Variants in GRXCR1 observed in about 807,000 individuals in gnomAD.
The protein encoded by GRXCR1 is glutaredoxin domain-containing cysteine-rich protein 1.
In GRXCR1, 27 loss-of-function variants were observed where a neutral mutation model predicts 27.3. The ratio of observed to expected loss-of-function variants is 0.99; its 90% CI spans 0.73 to 1.37. The LOEUF is 1.37. Ranked by LOEUF, GRXCR1 falls within the 40% of genes most tolerant of loss-of-function variation. The pLI, the probability that GRXCR1 is intolerant of heterozygous loss-of-function variation, is 0.00. For synonymous variants in GRXCR1, 122 were observed against 131.1 expected, an observed-to-expected ratio of 0.93 and a Z score of 0.47; for missense variants, 379 against 354.4, an observed-to-expected ratio of 1.07 and a Z score of -0.56.
chr4:42,955,556 C>T (rs1271248852), intron 1 of GRXCR1, among the ~76,000 whole-genome samples: 2 of 152,062 alleles, frequency 1.3e-5, no homozygotes, highest in African/African-American at 4.8e-5. Flanking sequence ...TCAACTCTGT[C>T]TCCTTGTCAA....
At chr4:42,920,914 A>G (rs1217941240) in intron 1 of GRXCR1, among the ~76,000 whole-genome samples, 1 of 137,018 alleles carries the variant, frequency 7.3e-6, no homozygotes, top group East Asian at 2.1e-4. Context: ...CTATGCGGCT[A>G]TCATTCAAGT....
intron 1 of GRXCR1, among the ~76,000 whole-genome samples, chr4:42,928,354 C>G (rs1047896828): frequency 1.3e-5 from 2 of 151,952 alleles, no homozygotes; most frequent in African/African-American, 4.8e-5. Flanking sequence ...GAGGAAATAT[C>G]AGGCCTGAGG....
At chr4:42,911,662 C>T (rs775286459) in intron 1 of GRXCR1, among the ~76,000 whole-genome samples, 10 of 151,900 alleles carry the variant, frequency 6.6e-5, no homozygotes, top group Non-Finnish European at 1.2e-4. Context: ...AAGAAAAATC[C>T]CTAGGCTCAA....
intron 1 of GRXCR1, among the ~76,000 whole-genome samples, chr4:42,923,748 C>T (rs1240779439): frequency 1.3e-5 from 2 of 152,010 alleles, no homozygotes; most frequent in African/African-American, 4.8e-5. Context: ...CTTCAACATG[C>T]CTCTTTTTTT....
At chr4:42,915,260 A>G (rs1273823860) in intron 1 of GRXCR1, among the ~76,000 whole-genome samples, 3 of 152,146 alleles carry the variant, frequency 2.0e-5, no homozygotes, top group East Asian at 3.9e-4. Flanking sequence ...ATAGCAAAGA[A>G]TGGGATGGGA....
chr4:43,020,972 A>G (rs1046475290), intron 3 of GRXCR1, among the ~76,000 whole-genome samples: 1 of 152,142 alleles, frequency 6.6e-6, no homozygotes, highest in Non-Finnish European at 1.5e-5. Flanking sequence ...GTTTCTCCCT[A>G]TTTGTAAGAA....
intron 3 of GRXCR1, among the ~76,000 whole-genome samples, chr4:43,023,354 C>A (rs1350645117): frequency 6.6e-6 from 1 of 152,182 alleles, no homozygotes; most frequent in Non-Finnish European, 1.5e-5. Context: ...AAGAGAGAGG[C>A]TTAGCAGCTG....
intron 1 of GRXCR1, among the ~76,000 whole-genome samples, chr4:42,896,083 G>A (rs535360446): frequency 6.6e-6 from 1 of 152,182 alleles, no homozygotes; most frequent in South Asian, 2.1e-4. Context: ...AAACCTTAAA[G>A]CACTTAACCT....
chr4:42,897,517 A>AT (rs1193414256), intron 1 of GRXCR1, among the ~76,000 whole-genome samples: 1 of 152,146 alleles, frequency 6.6e-6, no homozygotes, highest in Non-Finnish European at 1.5e-5. Flanking sequence ...CCGTCTATGT[A>AT]TGTACATGGA....
At chr4:43,019,251 T>A (rs1169860820) in intron 2 of GRXCR1, among the ~76,000 whole-genome samples, 2 of 152,206 alleles carry the variant, frequency 1.3e-5, no homozygotes, top group Non-Finnish European at 2.9e-5. Flanking sequence ...TTATTTTTCA[T>A]TCTACCCTGT....
rs186041671 is a variant in GRXCR1 at position 42,893,555 on chromosome 4, G to A, written c.289G>A (p.Val97Ile). The A allele has an allele frequency of 1.1e-5, 18 of 1,613,822 alleles. No individual in the cohort carries two copies. In the East Asian group the frequency reaches 4.0e-4, roughly 36 times the overall value. The change falls in exon 1 of 4, where the codon GTC (valine) becomes ATC (isoleucine). Residue 97 changes from valine to isoleucine, a missense_variant. Physicochemically the swap from Val to Ile is conservative, Grantham distance 29. Transcript: ENST00000399770. ...TGAGAAGGGTTTTGGTACAAGAAGA[G>A]TCAACATTTTAAGCAAAAATGGCAC... ...ASEKGFGTRR[V>I]NILSKNGTVR...
chr4:42,922,564 G>A (rs1462675734), intron 1 of GRXCR1, among the ~76,000 whole-genome samples: 3 of 152,064 alleles, frequency 2.0e-5, no homozygotes, highest in Non-Finnish European at 4.4e-5. Flanking sequence ...GAGGATGAAG[G>A]TTTCAGATAT....
intron 1 of GRXCR1, among the ~76,000 whole-genome samples, chr4:42,956,544 C>A (rs147272420): frequency 6.6e-6 from 1 of 152,110 alleles, no homozygotes; most frequent in East Asian, 1.9e-4. Context: ...CACTCTACCT[C>A]TAGAAAGACC....
rs116570245 is a variant in GRXCR1, at chr4:42,966,234, G to T, written c.627+3100G>T. ...AACATAAATTATCTTAGAAATGCCAGTGGGAAATAAATTAGAAATAGTGGC... is the reference window on the plus strand; with the variant it reads ...AACATAAATTATCTTAGAAATGCCATTGGGAAATAAATTAGAAATAGTGGC... On this transcript the variant is annotated intron_variant, in intron 2 of 3. Coordinates refer to ENST00000399770, the MANE Select transcript of GRXCR1 (RefSeq NM_001080476.3). 7.2e-3 allele frequency among the ~76,000 whole-genome samples: 1,098 copies of T among 152,066 alleles called. 15 individuals carry two copies. Among genetic ancestry groups the T allele is most frequent in the African/African-American group, 0.025 (1,055 of 41,504 alleles).
chr4:42,947,155 G>T (rs1258613170), intron 1 of GRXCR1, among the ~76,000 whole-genome samples: 1 of 152,078 alleles, frequency 6.6e-6, no homozygotes, highest in Non-Finnish European at 1.5e-5. Context: ...ACATTTGGGG[G>T]CTTCAACAGC....
At chr4:42,948,234 CTTT>C (rs5857877) in intron 1 of GRXCR1, among the ~76,000 whole-genome samples, 347 of 147,348 alleles carry the variant, frequency 2.4e-3, no homozygotes, top group Non-Finnish European at 3.6e-3. Flanking sequence ...ATTTCTAGGG[CTTT>C]TTTTTTTTTT....
rs1748158828 is a variant in GRXCR1, at chr4:42,962,967, G to C, written c.460G>C (p.Glu154Gln). ...CCTTCGTGTGGTCCGGACAACCTTT[G>C]AAAGATGTGAACTGGTTAGAAAGAT... Reference protein sequence around the residue: ...TCLRVVRTTFERCELVRKIFQ... With the variant: ...TCLRVVRTTFQRCELVRKIFQ... The change falls in exon 2 of 4, where the codon GAA becomes CAA. Residue 154 changes from glutamate (E) to glutamine (Q), a missense_variant. Physicochemically the swap from Glu to Gln is conservative, Grantham distance 29. Transcript: ENST00000399770. 1 of 1,612,752 alleles carries C rather than the reference G, an allele frequency of 6.2e-7. No homozygotes were observed. Among genetic ancestry groups the C allele is most frequent in the African/African-American group, 1.3e-5 (1 of 74,834 alleles).
At position 43,006,302 on chromosome 4, in the gene GRXCR1, A is replaced by T. The variant is rs1712556738; in HGVS notation, c.628-14052A>T. ...ACAGGATAAGAGCAATTGTTCAGGG[A>T]ATAAGAGAGGTAACCTTAAACTCTG... On this transcript the variant is annotated intron_variant, in intron 2 of 3. Transcript: ENST00000399770. Among the ~76,000 whole-genome samples the T allele has an allele frequency of 2.6e-5, 4 of 152,208 alleles. No homozygotes were observed. In the South Asian group the frequency reaches 8.3e-4, roughly 32 times the overall value.
chr4:43,016,045 T>G (rs937823855), intron 2 of GRXCR1, among the ~76,000 whole-genome samples: 1 of 152,208 alleles, frequency 6.6e-6, no homozygotes, highest in African/African-American at 2.4e-5. Flanking sequence ...TTGATAATAG[T>G]GTTTAGAAAC....
Sources: gnomAD v4.1 joint callset for allele counts (sites outside exome capture counted in the v4.1 genomes callset) on GRCh38, gnomAD v4.1.1 for gene constraint, MANE v1.5 for transcripts, NCBI Gene and HGNC (gene_info 2026-07-23, HGNC 2026-07-21) for gene names.